LMX1A: variants seen among roughly 807,000 people sequenced by gnomAD.
LMX1A encodes the protein LIM homeobox transcription factor 1-alpha.
A neutral mutation model predicts 49.1 loss-of-function variants in LMX1A; 15 were observed. That is an observed-to-expected ratio of 0.31 (90% confidence interval 0.20 to 0.47). The LOEUF is 0.47. LMX1A is among the 20% of genes least tolerant of loss of function. The pLI is 1.00. For synonymous variants in LMX1A, 167 were observed against 185.7 expected (o/e 0.90, Z 0.82); for missense variants, 372 against 475.8 (o/e 0.78, Z 2.03).
intron 3 of LMX1A, among the ~76,000 whole-genome samples, chr1:165,339,834 GC>G (rs147140916): frequency 0.073 from 11,118 of 152,148 alleles, 588 homozygotes; most frequent in South Asian, 0.19. Context: ...TCACATGGAT[GC>G]CCCACTGTCC....
rs1454622053 is a variant in LMX1A at position 165,266,640 on chromosome 1, C to T, written c.264-17000G>A. Among the ~76,000 whole-genome samples, 5 of 122,132 alleles carry T rather than the reference C, an allele frequency of 4.1e-5. No individual in the cohort carries two copies. In the East Asian group the frequency reaches 7.8e-4, roughly 19 times the overall value. 80.1% of individuals were successfully genotyped at this position (122,132 alleles called of 152,430 possible). A position where few individuals can be genotyped will look rare whatever the true frequency, so the allele number is the denominator to read the frequency against. On this transcript the variant is annotated intron_variant, in intron 3 of 8. Coordinates refer to ENST00000342310, the MANE Select transcript of LMX1A (RefSeq NM_177398.4). Reference sequence around the variant, plus strand: ...TTTTTGAGACAGGGTCTCGCTCTCTCGCCCAGGTTGGAGTGCAGTGGCGCG... The same window carrying T: ...TTTTTGAGACAGGGTCTCGCTCTCTTGCCCAGGTTGGAGTGCAGTGGCGCG...
chr1:165,268,334 T>C (rs950246003), intron 3 of LMX1A, among the ~76,000 whole-genome samples: 1 of 152,198 alleles, frequency 6.6e-6, no homozygotes, highest in African/African-American at 2.4e-5. Flanking sequence ...CTATGCCACA[T>C]ATTTACTCTT....
intron 3 of LMX1A, among the ~76,000 whole-genome samples, chr1:165,311,770 G>C (rs896577716): frequency 6.6e-6 from 1 of 152,190 alleles, no homozygotes; most frequent in African/African-American, 2.4e-5. Context: ...CTGCACAAAG[G>C]CATTCAAGAT....
intron 3 of LMX1A, among the ~76,000 whole-genome samples, chr1:165,315,477 C>T (rs780090217): frequency 2.0e-5 from 3 of 152,190 alleles, no homozygotes; most frequent in East Asian, 1.9e-4. Flanking sequence ...GAAGTATGTG[C>T]TAACAGCTGT....
intron 3 of LMX1A, among the ~76,000 whole-genome samples, chr1:165,350,825 A>AT (rs1376154249): frequency 6.6e-6 from 1 of 152,234 alleles, no homozygotes; most frequent in Admixed American, 6.5e-5. Context: ...TTCCAAAAAT[A>AT]TTTTTAAAAT....
chr1:165,224,032 G>A (rs2102614717), intron 4 of LMX1A, among the ~76,000 whole-genome samples: 1 of 152,332 alleles, frequency 6.6e-6, no homozygotes, highest in Middle Eastern at 3.4e-3. Context: ...GCAGGGCCTA[G>A]TGGGAAGTGA....
chr1:165,346,770 T>A (rs923290124), intron 3 of LMX1A, among the ~76,000 whole-genome samples: 1 of 152,238 alleles, frequency 6.6e-6, no homozygotes, highest in Non-Finnish European at 1.5e-5. Flanking sequence ...TTATTTATTT[T>A]CAGTAGTGTG....
At chr1:165,275,393 T>A (rs1653934451) in intron 3 of LMX1A, among the ~76,000 whole-genome samples, 1 of 152,226 alleles carries the variant, frequency 6.6e-6, no homozygotes, top group African/African-American at 2.4e-5. Flanking sequence ...GAGAGCCCAC[T>A]GCAACTGCTC....
rs1248875012 is a variant in LMX1A at position 165,355,911 on chromosome 1, T to C, written c.-22-330A>G. 6.6e-6 allele frequency among the ~76,000 whole-genome samples: 1 copy of C among 151,994 alleles called. No individual in the cohort carries two copies. The highest frequency in any genetic ancestry group is 2.4e-5 in the African/African-American group (1 of 41,366). ...CCGAATCCGACTCCGCCCCAACCTA[T>C]ACGAAGGTGGGCCCTCGGGACGTCT... is the stretch of plus-strand genomic sequence containing the variant. On this transcript the variant is annotated intron_variant, in intron 1 of 8. Transcript: ENST00000342310. This position sits in a 1 kb window ranked among gnomAD's most constrained non-coding sequence, Gnocchi z 4.7.
chr1:165,353,634 T>C (rs577600443), intron 2 of LMX1A, among the ~76,000 whole-genome samples: 8 of 152,362 alleles, frequency 5.3e-5, no homozygotes, highest in African/African-American at 1.9e-4. Context: ...TCACTATGCC[T>C]GTCTCTACTG....
intron 3 of LMX1A, among the ~76,000 whole-genome samples, chr1:165,277,111 G>C (rs576047010): frequency 1.3e-5 from 2 of 152,236 alleles, no homozygotes; most frequent in Non-Finnish European, 2.9e-5. Flanking sequence ...TTGACTGTTT[G>C]CCACAGGAAT....
At chr1:165,288,696 GTGCGTGTGTA>G (rs1409724412) in intron 3 of LMX1A, among the ~76,000 whole-genome samples, 1 of 152,236 alleles carries the variant, frequency 6.6e-6, no homozygotes, top group Non-Finnish European at 1.5e-5. Flanking sequence ...CCGTGTGTGT[GTGCGTGTGTA>G]TGCGTGTTTG....
intron 3 of LMX1A, among the ~76,000 whole-genome samples, chr1:165,327,285 T>C (rs1445384307): frequency 6.6e-6 from 1 of 152,070 alleles, no homozygotes; most frequent in Non-Finnish European, 1.5e-5. Context: ...GAAATCCAAG[T>C]GCAACCCAAA....
rs549605215 is a variant in LMX1A, at chr1:165,327,141, C to T, written c.263+25935G>A. ...AGATCCAGAAGTCACCCTCTGGAGA[C>T]GCCAGCTGAAACTGGGAGAGTGGAC... On this transcript the variant is annotated intron_variant, in intron 3 of 8. Transcript: ENST00000342310. Among the ~76,000 whole-genome samples, 4 of 152,116 alleles carry T rather than the reference C, an allele frequency of 2.6e-5. No individual in the cohort carries two copies. The South Asian group carries it at 8.3e-4, about 32-fold the overall frequency.
At chr1:165,262,712 T>C (rs750536613) in intron 3 of LMX1A, among the ~76,000 whole-genome samples, 5 of 152,306 alleles carry the variant, frequency 3.3e-5, no homozygotes, top group South Asian at 2.1e-4. Context: ...TTTGCAAATA[T>C]GTTTTACAAT....
intron 3 of LMX1A, among the ~76,000 whole-genome samples, chr1:165,310,168 C>A (rs1171167318): frequency 2.0e-5 from 3 of 152,154 alleles, no homozygotes; most frequent in Non-Finnish European, 2.9e-5. Context: ...ACATTTGACA[C>A]CCCAACAAAA....
intron 3 of LMX1A, 24 bp downstream of exon 3, chr1:165,353,052 C>T (rs1046330965): frequency 6.2e-7 from 1 of 1,611,108 alleles, no homozygotes; most frequent in Non-Finnish European, 8.5e-7. Context: ...GCGCGGGGAG[C>T]GCTGCGGGGG....
chr1:165,348,663 A>G (rs537653121), intron 3 of LMX1A, among the ~76,000 whole-genome samples: 5 of 152,294 alleles, frequency 3.3e-5, no homozygotes, highest in Admixed American at 3.3e-4. Context: ...TTCATGAGTA[A>G]CTGCATGCCC....
chr1:165,320,376 A>C (rs1405522692), intron 3 of LMX1A, among the ~76,000 whole-genome samples: 1 of 152,238 alleles, frequency 6.6e-6, no homozygotes, highest in Non-Finnish European at 1.5e-5. Flanking sequence ...TTGTTAGCTA[A>C]GACACTAAGC....
Sources: gnomAD v4.1 joint callset for allele counts (sites outside exome capture counted in the v4.1 genomes callset) on GRCh38, gnomAD v4.1.1 for gene constraint, Gnocchi (gnomAD v3.1) non-coding constraint, MANE v1.5 for transcripts, NCBI Gene and HGNC (gene_info 2026-07-23, HGNC 2026-07-21) for gene names.